SLC24A2: variants seen among roughly 807,000 people sequenced by gnomAD.
The protein encoded by SLC24A2 is sodium/potassium/calcium exchanger 2.
In SLC24A2, 36 loss-of-function variants were observed where a neutral mutation model predicts 62.0. The observed-to-expected ratio is 0.58, with a 90% CI of 0.44 to 0.77. The LOEUF (loss-of-function observed/expected upper bound fraction) is 0.77, where lower values mean the gene tolerates loss of function less well. SLC24A2 is among the 30% of genes least tolerant of loss of function. SLC24A2 has a pLI of 0.00. For synonymous variants in SLC24A2, 358 were observed against 294.0 expected, an observed-to-expected ratio of 1.22 and a Z score of -2.23; for missense variants, 846 against 817.9, an observed-to-expected ratio of 1.03 and a Z score of -0.42.
intron 7 of SLC24A2, among the ~76,000 whole-genome samples, chr9:19,565,945 A>G (rs974855286): frequency 6.6e-5 from 10 of 150,918 alleles, no homozygotes; most frequent in East Asian, 1.9e-4. Context: ...CCTTCCTTAC[A>G]CCTTATACAA....
chr9:19,984,322 C>T, the SLC24A2 span, among the ~76,000 whole-genome samples: 3 of 152,102 alleles, frequency 2.0e-5, no homozygotes, highest in Non-Finnish European at 1.5e-5. Flanking sequence ...AGGACTCACA[C>T]TTCCTGATTT....
At position 19,632,561 on chromosome 9, in the gene SLC24A2, T is replaced by G. The variant is rs1818205756; in HGVS notation, c.931-10262A>C. 1.3e-5 allele frequency among the ~76,000 whole-genome samples: 2 copies of G among 152,210 alleles called. No homozygotes were observed. Among genetic ancestry groups the G allele is most frequent in the Non-Finnish European group, 1.5e-5 (1 of 68,026 alleles). The stretch of plus-strand genomic sequence containing the variant: ...TTGCTGACCTTTATCGAGCACTAAC[T>G]ACAGTTGAAATACTGGGCTAAATGC... On this transcript the variant is annotated intron_variant, in intron 2 of 10. Coordinates refer to ENST00000341998, the MANE Select transcript of SLC24A2 (RefSeq NM_020344.4). The surrounding 1 kb of genome is among the most constrained non-coding windows in gnomAD (Gnocchi z 4.5).
chr9:20,259,339 C>T, the SLC24A2 span, among the ~76,000 whole-genome samples: 1 of 152,142 alleles, frequency 6.6e-6, no homozygotes, highest in Non-Finnish European at 1.5e-5. Flanking sequence ...TTAATGCACA[C>T]AGATATTACT....
At chr9:20,009,377 C>G in the SLC24A2 span, among the ~76,000 whole-genome samples, 2 of 125,334 alleles carry the variant, frequency 1.6e-5, no homozygotes, top group Non-Finnish European at 3.2e-5. Context: ...AGACTGAACT[C>G]TGTCTCAAAA....
the SLC24A2 span, among the ~76,000 whole-genome samples, chr9:20,139,172 G>A: frequency 6.6e-6 from 1 of 152,016 alleles, no homozygotes; most frequent in Non-Finnish European, 1.5e-5. Flanking sequence ...AACTGCCTTG[G>A]GGAAACAACT....
At chr9:19,681,523 C>T (rs565772202) in intron 2 of SLC24A2, among the ~76,000 whole-genome samples, 28 of 152,268 alleles carry the variant, frequency 1.8e-4, no homozygotes, top group African/African-American at 5.3e-4. Context: ...TTGTTCCCTG[C>T]TGTAATCCCT....
the SLC24A2 span, among the ~76,000 whole-genome samples, chr9:20,293,009 G>A: frequency 4.6e-5 from 7 of 152,188 alleles, no homozygotes; most frequent in African/African-American, 1.7e-4. Context: ...GTGGTTTGCT[G>A]GCAATCTTTG....
chr9:19,549,543 A>G (rs1405623690), intron 8 of SLC24A2, among the ~76,000 whole-genome samples: 4 of 152,144 alleles, frequency 2.6e-5, no homozygotes, highest in Admixed American at 2.6e-4. Context: ...TATGTAAAAC[A>G]TTTCACTATC....
chr9:19,865,504 G>C, the SLC24A2 span, among the ~76,000 whole-genome samples: 5 of 152,016 alleles, frequency 3.3e-5, no homozygotes, highest in African/African-American at 7.2e-5. Flanking sequence ...CATAAAAACA[G>C]ACACACAATG....
chr9:19,591,877 G>A (rs1212995033), intron 5 of SLC24A2, among the ~76,000 whole-genome samples: 2 of 152,212 alleles, frequency 1.3e-5, no homozygotes, highest in Admixed American at 1.3e-4. Context: ...TTTGCCTGAT[G>A]TATCAGTGTG....
At chr9:20,015,808 G>A in the SLC24A2 span, among the ~76,000 whole-genome samples, 1 of 152,182 alleles carries the variant, frequency 6.6e-6, no homozygotes, top group Non-Finnish European at 1.5e-5. Flanking sequence ...TTTTTTAAAT[G>A]TGGGCTTCTT....
At chr9:20,076,834 A>G in the SLC24A2 span, among the ~76,000 whole-genome samples, 1 of 115,758 alleles carries the variant, frequency 8.6e-6, no homozygotes, top group Non-Finnish European at 1.7e-5. Flanking sequence ...CTGATAAGAA[A>G]ATGTGATATA....
In SLC24A2 at chr9:19,526,397, CTA is replaced by C. The variant is rs1473059143; in HGVS notation, c.1569+1650_1569+1651del. Among the ~76,000 whole-genome samples the C allele has an allele frequency of 5.9e-5, 9 of 152,272 alleles. No homozygotes were observed. In the South Asian group the frequency reaches 1.2e-3, roughly 21 times the overall value. On this transcript the variant is annotated intron_variant, in intron 9 of 10. Transcript: ENST00000341998. ...GGAATTGCTAGATCATATGGTAACT[CTA>C]TGTTTAATGTTTTGTGGAACTGCCA...
intron 7 of SLC24A2, among the ~76,000 whole-genome samples, chr9:19,553,368 A>G (rs1292517844): frequency 6.6e-6 from 1 of 152,114 alleles, no homozygotes; most frequent in Non-Finnish European, 1.5e-5. Context: ...ACCTCCTAAA[A>G]TTTCTGCAGA....
At chr9:19,875,410 G>A in the SLC24A2 span, among the ~76,000 whole-genome samples, 4 of 152,302 alleles carry the variant, frequency 2.6e-5, no homozygotes, top group East Asian at 5.8e-4. Flanking sequence ...AAGATGGTTG[G>A]CAGAGTCTCT....
At chr9:19,780,771 G>T (rs1265397983) in intron 2 of SLC24A2, among the ~76,000 whole-genome samples, 1 of 151,424 alleles carries the variant, frequency 6.6e-6, no homozygotes, top group Non-Finnish European at 1.5e-5. Flanking sequence ...TACTCAGGAG[G>T]CTGAGGCAGG....
chr9:19,961,589 T>A, the SLC24A2 span, among the ~76,000 whole-genome samples: 3 of 152,154 alleles, frequency 2.0e-5, no homozygotes, highest in Non-Finnish European at 4.4e-5. Flanking sequence ...CCAGGTAACC[T>A]CTAAGATGCC....
intron 5 of SLC24A2, among the ~76,000 whole-genome samples, chr9:19,577,642 T>C (rs1163066094): frequency 6.6e-6 from 1 of 152,130 alleles, no homozygotes; most frequent in African/African-American, 2.4e-5. Context: ...AGAAGGCAAC[T>C]GATTCCATTT....
chr9:20,172,613 T>C, the SLC24A2 span, among the ~76,000 whole-genome samples: 2 of 152,008 alleles, frequency 1.3e-5, no homozygotes, highest in Non-Finnish European at 2.9e-5. Context: ...GATGGATAAA[T>C]TTCTGGAAAG....
Sources: allele counts gnomAD v4.1 joint callset (sites outside exome capture counted in the v4.1 genomes callset), GRCh38; gene constraint gnomAD v4.1.1; non-coding constraint Gnocchi (gnomAD v3.1); transcripts MANE v1.5; gene names NCBI Gene and HGNC (gene_info 2026-07-23, HGNC 2026-07-21).